URB1: variants seen among roughly 807,000 people sequenced by gnomAD.
The protein encoded by URB1 is nucleolar pre-ribosomal-associated protein 1.
A neutral mutation model predicts 242.3 loss-of-function variants in URB1; 197 were observed. The observed-to-expected ratio is 0.81, with a 90% CI of 0.72 to 0.91. URB1 has a LOEUF of 0.91. Among genes scored for constraint, URB1 ranks in the 40% least tolerant of loss-of-function variants. The pLI, the probability that URB1 is intolerant of heterozygous loss-of-function variation, is 0.00. For missense variants in URB1, 2,721 were observed against 2,860.5 expected (o/e 0.95, Z 1.11); for synonymous variants, 1,153 against 1,201.8 (o/e 0.96, Z 0.84).
At position 32,325,263 on chromosome 21, in the gene URB1, T is replaced by C. The variant is rs1424273672; in HGVS notation, c.5087A>G (p.His1696Arg). 1 of 1,551,554 alleles carries C rather than the reference T, an allele frequency of 6.4e-7. No individual in the cohort carries two copies. The highest frequency in any genetic ancestry group is 1.4e-5 in the African/African-American group (1 of 73,048). Residue 1696 changes from histidine (H) to arginine (R), a missense_variant, in exon 31 of 39, where the codon CAC becomes CGC. Physicochemically the swap from His to Arg is conservative, Grantham distance 29 (BLOSUM62 0). Transcript: ENST00000382751. ...CTCTTGGAACCGTGCGCCCTCCAAG[T>C]GCGAGTAGTAGGCCGCCAGGACATG... Reference protein sequence around the residue: ...AYHVLAAYYSHLEGARFQEQS... With the variant: ...AYHVLAAYYSRLEGARFQEQS...
At chr21:32,377,394 A>C in intron 5 of URB1, 1 of 487,328 alleles carries the variant, frequency 2.1e-6, no homozygotes, top group Non-Finnish European at 4.0e-6. Flanking sequence ...AGTATGTTCC[A>C]GCCCCCTTCA....
intron 26 of URB1, 61 bp downstream of exon 26, chr21:32,338,646 T>G: frequency 6.5e-7 from 1 of 1,529,704 alleles, no homozygotes; most frequent in South Asian, 1.2e-5. Flanking sequence ...GTGCAGCCAG[T>G]GTAAGGAAAT....
At position 32,313,078 on chromosome 21, in the gene URB1, G is replaced by C. The variant is rs957268074; in HGVS notation, c.*1840C>G. On this transcript the variant is annotated 3_prime_UTR_variant, in exon 39 of 39. Transcript: ENST00000382751. Reference sequence around the variant, plus strand: ...AGGTGCTGAAAATGTGTCCTCACTTGACTGAGCTGGAACTCGGCTTTGGAG... The same window carrying C: ...AGGTGCTGAAAATGTGTCCTCACTTCACTGAGCTGGAACTCGGCTTTGGAG... 6.6e-6 allele frequency: 1 copy of C among 152,238 alleles called. No individual in the cohort carries two copies. Among genetic ancestry groups the C allele is most frequent in the African/African-American group, 2.4e-5 (1 of 41,454 alleles). 9.4% of individuals were successfully genotyped at this position (152,238 alleles called of 1,614,324 possible). A position where few individuals can be genotyped will look rare whatever the true frequency, so the allele number is the denominator to read the frequency against.
Position 32,344,628 on chromosome 21 carries a change from T to C in URB1, c.4199A>G (p.Asp1400Gly). 6.4e-7 allele frequency: 1 copy of C among 1,552,418 alleles called. No individual in the cohort carries two copies. The highest frequency in any genetic ancestry group is 8.7e-7 in the Non-Finnish European group (1 of 1,147,160). ...CTCCTGATTCTGAGTATTATCATCATCTTGCTGTCCACCACTGAAAGACAC... is the reference window on the plus strand; with the variant it reads ...CTCCTGATTCTGAGTATTATCATCACCTTGCTGTCCACCACTGAAAGACAC... ...LIVSFSGGQQDDDNTQNQEKE... is the reference protein window; with the variant it reads ...LIVSFSGGQQGDDNTQNQEKE... The change falls in exon 24 of 39, where the codon GAT (aspartate) becomes GGT (glycine). Residue 1400 changes from aspartate to glycine, a missense_variant. Transcript: ENST00000382751.
chr21:32,371,399 A>T (rs1345765632), intron 8 of URB1, among the ~76,000 whole-genome samples: 1 of 152,216 alleles, frequency 6.6e-6, no homozygotes, highest in Non-Finnish European at 1.5e-5. Flanking sequence ...AAATGCTTTA[A>T]AAAGGGGGAA....
intron 34 of URB1, among the ~76,000 whole-genome samples, chr21:32,321,037 A>C (rs1601120024): frequency 6.6e-6 from 1 of 152,240 alleles, no homozygotes; most frequent in Non-Finnish European, 1.5e-5. Context: ...TACCACCTGG[A>C]AGGGAGGACA....
At chr21:32,334,374 C>G (rs1389342267) in intron 28 of URB1, 40 bp from the exon 29 acceptor site, 1 of 1,510,982 alleles carries the variant, frequency 6.6e-7, no homozygotes, top group South Asian at 1.3e-5. Flanking sequence ...TCACAGAGCC[C>G]CCCGGGAACA....
At chr21:32,364,883 G>A (rs937048970) in intron 10 of URB1, among the ~76,000 whole-genome samples, 24 of 152,360 alleles carry the variant, frequency 1.6e-4, no homozygotes, top group Middle Eastern at 3.4e-3. Flanking sequence ...CTTGGCTCTC[G>A]GAAAGGGCAC....
Position 32,311,651 on chromosome 21 carries a change from T to C in URB1, c.*3267A>G, listed in dbSNP as rs1178081516. On this transcript the variant is annotated 3_prime_UTR_variant, in exon 39 of 39. Coordinates refer to ENST00000382751, the MANE Select transcript of URB1 (RefSeq NM_014825.3). ...AGTATGGACTGTTCTGCAGCAACTA[T>C]GATGCCTGCCTCCCACTCTGCTCTG... 1.9e-6 allele frequency: 3 copies of C among 1,610,844 alleles called. No individual in the cohort carries two copies. The highest frequency in any genetic ancestry group is 2.5e-6 in the Non-Finnish European group (3 of 1,178,590).
chr21:32,319,936 A>G (rs2032744347), intron 35 of URB1, among the ~76,000 whole-genome samples: 1 of 152,242 alleles, frequency 6.6e-6, no homozygotes, highest in South Asian at 2.1e-4. Flanking sequence ...AGTTCTTTGT[A>G]AGACAGAGCC....
In URB1 at chr21:32,366,629, G is replaced by C. The variant is rs1223167739; in HGVS notation, c.1324C>G (p.Gln442Glu). The C allele has an allele frequency of 6.4e-7, 1 of 1,551,466 alleles. No individual in the cohort carries two copies. The highest frequency in any genetic ancestry group is 1.4e-5 in the African/African-American group (1 of 73,150). Residue 442 changes from glutamine to glutamate, a missense_variant, in exon 10 of 39, where the codon CAA becomes GAA. Transcript: ENST00000382751. ...PLVCNKSMFT[Q>E]ALNLDSTSVR... ...CCACATGGCCTTACGTTTAATGCTT[G>C]GGTGAACATGCTCTTATTGCACACC...
chr21:32,315,024 G>T lies in URB1; in HGVS notation c.6710C>A (p.Thr2237Asn). The T allele has an allele frequency of 6.4e-7, 1 of 1,551,492 alleles. No homozygotes were observed. Among genetic ancestry groups the T allele is most frequent in the Non-Finnish European group, 8.7e-7 (1 of 1,146,856 alleles). Residue 2237 changes from threonine to asparagine, a missense_variant, in exon 39 of 39, where the codon ACC (threonine) becomes AAC (asparagine). By Grantham distance (65) the Thr-to-Asn change is moderately conservative. Coordinates refer to ENST00000382751, the MANE Select transcript of URB1 (RefSeq NM_014825.3). ...LGAQRPDTLLTHVRMVCEAAD... is the reference protein window; with the variant it reads ...LGAQRPDTLLNHVRMVCEAAD... ...GGCCTCACACACCATCCGGACGTGG[G>T]TTAAGAGGGTGTCCGGCCGCTGAGC...
In URB1 at chr21:32,363,140, C is replaced by T. The variant is rs1383277261; in HGVS notation, c.1509+16G>A. The T allele has an allele frequency of 6.5e-7, 1 of 1,547,972 alleles. No individual in the cohort carries two copies. The highest frequency in any genetic ancestry group is 1.4e-5 in the African/African-American group (1 of 73,028). ...TGAGGTCTGGAAGGAAAGCCCAAACCCAGATCAGAGCCTACCTTGCTCAGG... is the reference window on the plus strand; with the variant it reads ...TGAGGTCTGGAAGGAAAGCCCAAACTCAGATCAGAGCCTACCTTGCTCAGG... On this transcript the variant is annotated intron_variant, in intron 11 of 38. Coordinates refer to ENST00000382751, the MANE Select transcript of URB1 (RefSeq NM_014825.3).
intron 1 of URB1, among the ~76,000 whole-genome samples, chr21:32,391,069 G>A (rs2033631824): frequency 1.3e-5 from 2 of 152,154 alleles, no homozygotes; most frequent in African/African-American, 2.4e-5. Flanking sequence ...CCTTTGTAGG[G>A]ACATGGATGA....
chr21:32,384,380 T>C lies in URB1; in HGVS notation c.367A>G (p.Ile123Val), dbSNP rs996903168. 5.2e-6 allele frequency: 8 copies of C among 1,552,198 alleles called. No homozygotes were observed. In the Admixed American group the frequency reaches 5.9e-5, roughly 11 times the overall value. The part of the protein sequence containing the change: ...LSHFHVVGTN[I>V]VKKLMNNHMK... ...TGGTTGTTCATCAGCTTTTTCACAATGTTGGTTCCCACAACATGGAAATGT... is the reference window on the plus strand; with the variant it reads ...TGGTTGTTCATCAGCTTTTTCACAACGTTGGTTCCCACAACATGGAAATGT... The change falls in exon 3 of 39, where the codon ATT (isoleucine) becomes GTT (valine). Residue 123 changes from isoleucine to valine, a missense_variant. Coordinates refer to ENST00000382751, the MANE Select transcript of URB1 (RefSeq NM_014825.3).
chr21:32,371,012 G>GC (rs1337147531), intron 8 of URB1, among the ~76,000 whole-genome samples: 2 of 152,138 alleles, frequency 1.3e-5, no homozygotes, highest in African/African-American at 4.8e-5. Context: ...AAATAAATCA[G>GC]CAAATAAATG....
chr21:32,344,760 C>T lies in URB1; in HGVS notation c.4071-4G>A, dbSNP rs781781171. 1.9e-6 allele frequency: 3 copies of T among 1,549,604 alleles called. No individual in the cohort carries two copies. The highest frequency in any genetic ancestry group is 2.6e-6 in the Non-Finnish European group (3 of 1,146,274). Reference sequence around the variant, plus strand: ...AATGGAGTCGGCCACGATCCACCTGCAGCAGGAGATGAGAGTCAGAGACAG... The same window carrying T: ...AATGGAGTCGGCCACGATCCACCTGTAGCAGGAGATGAGAGTCAGAGACAG... On this transcript the variant is annotated splice_region_variant and splice_polypyrimidine_tract_variant and intron_variant, in intron 23 of 38. Coordinates refer to ENST00000382751, the MANE Select transcript of URB1 (RefSeq NM_014825.3).
At chr21:32,375,544 G>T in intron 5 of URB1, 61 bp from the exon 6 acceptor site, 1 of 1,035,942 alleles carries the variant, frequency 9.7e-7, no homozygotes, top group Non-Finnish European at 1.4e-6. Context: ...GAATAGACGA[G>T]AGAATATTAC....
chr21:32,317,993 C>T (rs547974848), intron 36 of URB1, 76 bp from the exon 37 acceptor site: 71 of 1,515,246 alleles, frequency 4.7e-5, no homozygotes, highest in East Asian at 3.0e-4. Flanking sequence ...GGCACCCTGA[C>T]GACATCACAC....
Sources: allele counts gnomAD v4.1 joint callset (sites outside exome capture counted in the v4.1 genomes callset), GRCh38; gene constraint gnomAD v4.1.1; transcripts MANE v1.5; gene names NCBI Gene and HGNC (gene_info 2026-07-23, HGNC 2026-07-21).